Variants in BTBD9 observed in about 807,000 individuals in gnomAD.
BTBD9 encodes BTB domain containing 9.
Under a neutral mutation model 64.3 loss-of-function variants are expected in BTBD9, and 49 were observed. The observed-to-expected ratio is 0.76, with a 90% CI of 0.61 to 0.97. The LOEUF (loss-of-function observed/expected upper bound fraction) is 0.97. BTBD9 is among the 50% of genes least tolerant of loss of function. The probability of loss-of-function intolerance (pLI) is 0.00; values close to 1 mark genes in which losing one functional copy is unlikely to be tolerated. For synonymous variants in BTBD9, 260 were observed against 274.7 expected, an observed-to-expected ratio of 0.95 and a Z score of 0.53; for missense variants, 598 against 762.1, an observed-to-expected ratio of 0.78 and a Z score of 2.53.
chr6:38,517,056 T>C (rs1773061229), intron 6 of BTBD9, among the ~76,000 whole-genome samples: 1 of 152,170 alleles, frequency 6.6e-6, no homozygotes. Context: ...CTGATAAACT[T>C]GGAGAGACTA....
At chr6:38,280,498 A>T (rs1024096881) in intron 8 of BTBD9, among the ~76,000 whole-genome samples, 1 of 152,250 alleles carries the variant, frequency 6.6e-6, no homozygotes, top group African/African-American at 2.4e-5. Context: ...GACTAGAATT[A>T]TAAGCAATCT....
chr6:38,294,711 T>C (rs1214949233), intron 7 of BTBD9, among the ~76,000 whole-genome samples: 1 of 152,050 alleles, frequency 6.6e-6, no homozygotes, highest in African/African-American at 2.4e-5. Flanking sequence ...AGATGATGGG[T>C]TGATGGGTGC....
intron 9 of BTBD9, among the ~76,000 whole-genome samples, chr6:38,248,898 G>A (rs1764297579): frequency 6.6e-6 from 1 of 152,184 alleles, no homozygotes. Flanking sequence ...GGAGAACTGG[G>A]CAGATTTCCA....
At chr6:38,253,572 G>T (rs1582117923) in intron 9 of BTBD9, among the ~76,000 whole-genome samples, 1 of 152,210 alleles carries the variant, frequency 6.6e-6, no homozygotes, top group Admixed American at 6.5e-5. Context: ...ACATAAAAGA[G>T]AAGAGGAATC....
chr6:38,210,716 T>C (rs974270343), intron 9 of BTBD9, among the ~76,000 whole-genome samples: 6 of 152,364 alleles, frequency 3.9e-5, no homozygotes, highest in Non-Finnish European at 8.8e-5. Context: ...TTAAACTCTG[T>C]TGAAACAGTT....
At position 38,529,889 on chromosome 6, in the gene BTBD9, A is replaced by G. The variant is rs200539504; in HGVS notation, c.1154+47711T>C. 1.9e-3 allele frequency among the ~76,000 whole-genome samples: 297 copies of G among 152,314 alleles called. 4 individuals carry two copies. In the East Asian group the frequency reaches 0.037, roughly 19 times the overall value. On this transcript the variant is annotated intron_variant, in intron 6 of 10. Transcript: ENST00000481247. The stretch of plus-strand genomic sequence containing the variant: ...AACAGCGATTTTTAGGGAACAAGGG[A>G]AGACAACCATAAGGTCTGACTGCCT...
At chr6:38,276,970 C>A (rs1418457158) in intron 8 of BTBD9, among the ~76,000 whole-genome samples, 1 of 152,126 alleles carries the variant, frequency 6.6e-6, no homozygotes, top group Non-Finnish European at 1.5e-5. Context: ...TTTGGTTGAT[C>A]AAATACATCT....
Position 38,393,333 on chromosome 6 carries a change from T to G in BTBD9, c.1155-48240A>C, listed in dbSNP as rs559580821. On this transcript the variant is annotated intron_variant, in intron 6 of 10. Transcript: ENST00000481247. ...TGAGGGGAGGAGGCAGGGCCAACAT[T>G]GTCGACAAGTCTCCCTTTTGCTTGC... is the stretch of plus-strand genomic sequence containing the variant. 2.7e-3 allele frequency among the ~76,000 whole-genome samples: 417 copies of G among 152,318 alleles called. 2 individuals carry two copies. The highest frequency in any genetic ancestry group is 8.7e-3 in the African/African-American group (362 of 41,572).
intron 7 of BTBD9, among the ~76,000 whole-genome samples, chr6:38,322,450 A>G (rs1763274882): frequency 6.6e-6 from 1 of 152,252 alleles, no homozygotes; most frequent in Non-Finnish European, 1.5e-5. Context: ...TAACAGCAAC[A>G]TGCCATAAGG....
In BTBD9 at chr6:38,250,005, G is replaced by A. The variant is rs1274747434; in HGVS notation, c.1562+6404C>T. Among the ~76,000 whole-genome samples, 3 of 152,260 alleles carry A rather than the reference G, an allele frequency of 2.0e-5. No individual in the cohort carries two copies. The East Asian group carries it at 5.8e-4, about 29-fold the overall frequency. ...GACCAGATATTTACAGTTCTCCCAG[G>A]CCAGATGCAATTTACCATTCAGGGG... On this transcript the variant is annotated intron_variant, in intron 9 of 10. Coordinates refer to ENST00000481247, the MANE Select transcript of BTBD9 (RefSeq NM_001099272.2).
Position 38,321,090 on chromosome 6 carries a change from G to C in BTBD9, c.1264+23894C>G, listed in dbSNP as rs540286838. 5.3e-5 allele frequency among the ~76,000 whole-genome samples: 8 copies of C among 152,328 alleles called. 2 individuals are homozygous for C. In the South Asian group the frequency reaches 1.7e-3, roughly 32 times the overall value. Reference sequence around the variant, plus strand: ...GCCTCTTTGTGCTAACAGTACAGTGGCTAAGGGAGGTCTCTTTTAATTAAA... The same window carrying C: ...GCCTCTTTGTGCTAACAGTACAGTGCCTAAGGGAGGTCTCTTTTAATTAAA... On this transcript the variant is annotated intron_variant, in intron 7 of 10. Transcript: ENST00000481247.
At position 38,281,594 on chromosome 6, in the gene BTBD9, A is replaced by G. The variant is rs139933807; in HGVS notation, c.1454+6678T>C. ...CCTTCTGCAAAACAAAAAGAGCTTC[A>G]CCCCACAGACTAAAGAGATTATGAA... On this transcript the variant is annotated intron_variant, in intron 8 of 10. Coordinates refer to ENST00000481247, the MANE Select transcript of BTBD9 (RefSeq NM_001099272.2). Among the ~76,000 whole-genome samples, 1,371 of 152,276 alleles carry G rather than the reference A, an allele frequency of 9.0e-3. 23 individuals are homozygous for G. Among genetic ancestry groups the G allele is most frequent in the African/African-American group, 0.031 (1,293 of 41,566 alleles).
intron 9 of BTBD9, among the ~76,000 whole-genome samples, chr6:38,223,941 A>C (rs1763301736): frequency 2.0e-5 from 3 of 152,138 alleles, no homozygotes; most frequent in African/African-American, 7.2e-5. Flanking sequence ...GGCCTGGCGC[A>C]GTGGCTCACA....
chr6:38,395,810 A>G (rs1375362338), intron 6 of BTBD9, among the ~76,000 whole-genome samples: 2 of 152,036 alleles, frequency 1.3e-5, no homozygotes, highest in Non-Finnish European at 2.9e-5. Context: ...CCCGGGTTCA[A>G]GCAATTCTCC....
intron 6 of BTBD9, among the ~76,000 whole-genome samples, chr6:38,369,228 A>G (rs1765316242): frequency 6.6e-6 from 1 of 152,148 alleles, no homozygotes; most frequent in South Asian, 2.1e-4. Context: ...TACTCTTGCC[A>G]TCCTCCATCA....
At chr6:38,549,752 C>T (rs918849877) in intron 6 of BTBD9, among the ~76,000 whole-genome samples, 2 of 152,286 alleles carry the variant, frequency 1.3e-5, no homozygotes, top group East Asian at 1.9e-4. Flanking sequence ...TCTATACATG[C>T]TGTTCCCAGT....
chr6:38,365,118 A>C (rs76301703), intron 6 of BTBD9, among the ~76,000 whole-genome samples: 1,804 of 152,184 alleles, frequency 0.012, 13 homozygotes, highest in Middle Eastern at 0.031. Flanking sequence ...ACAAGTTTTA[A>C]AAAAGTAATT....
chr6:38,188,407 C>G (rs990769163), intron 10 of BTBD9, among the ~76,000 whole-genome samples: 1 of 152,364 alleles, frequency 6.6e-6, no homozygotes, highest in Admixed American at 6.5e-5. Context: ...CCCCACCAGT[C>G]CCTGCTCTGC....
chr6:38,330,969 T>TGTTTTTA (rs1763653037), intron 7 of BTBD9, among the ~76,000 whole-genome samples: 1 of 152,176 alleles, frequency 6.6e-6, no homozygotes, highest in Admixed American at 6.5e-5. Flanking sequence ...CAGAAGAACA[T>TGTTTTTA]GTTTTTATAT....
Sources: allele counts gnomAD v4.1 joint callset (sites outside exome capture counted in the v4.1 genomes callset), GRCh38; gene constraint gnomAD v4.1.1; transcripts MANE v1.5; gene names NCBI Gene and HGNC (gene_info 2026-07-23, HGNC 2026-07-21).